The following CNOT2 variants were observed in gnomAD, a reference collection of about 807,000 sequenced individuals.
CNOT2 encodes CC chemokine receptor 4-negative regulator of transcription 2.
In CNOT2, 7 loss-of-function variants were observed where a neutral mutation model predicts 72.1. The ratio of observed to expected loss-of-function variants is 0.10; its 90% CI spans 0.06 to 0.18. CNOT2 has a LOEUF of 0.18. Among genes scored for constraint, CNOT2 ranks in the 10% least tolerant of loss-of-function variants. CNOT2 has a pLI of 1.00. For synonymous variants in CNOT2, 196 were observed against 225.6 expected, an observed-to-expected ratio of 0.87 and a Z score of 1.17; for missense variants, 345 against 660.3, an observed-to-expected ratio of 0.52 and a Z score of 5.23.
chr12:70,273,101 G>C (rs1868302983), intron 1 of CNOT2, among the ~76,000 whole-genome samples: 1 of 151,884 alleles, frequency 6.6e-6, no homozygotes, highest in Non-Finnish European at 1.5e-5. Context: ...TTTAAAAAAA[G>C]CCTTCTGTCA....
intron 2 of CNOT2, among the ~76,000 whole-genome samples, chr12:70,293,906 G>T (rs1593148916): frequency 7.1e-6 from 1 of 140,052 alleles, no homozygotes; most frequent in African/African-American, 2.6e-5. Flanking sequence ...AGTTTGTGGT[G>T]AGCACTGCTT....
chr12:70,259,313 T>C (rs1284285158), intron 1 of CNOT2, among the ~76,000 whole-genome samples: 1 of 136,950 alleles, frequency 7.3e-6, no homozygotes, highest in African/African-American at 2.9e-5. Context: ...CATGCAGGGC[T>C]TATTTTTTTT....
intron 2 of CNOT2, among the ~76,000 whole-genome samples, chr12:70,288,326 T>TACAAAATAC (rs1871276839): frequency 6.6e-6 from 1 of 151,906 alleles, no homozygotes; most frequent in African/African-American, 2.4e-5. Context: ...TTTGTATTTT[T>TACAAAATAC]AGTATGGATG....
chr12:70,329,841 C>G lies in CNOT2; in HGVS notation c.386+271C>G, dbSNP rs2272179. ...AGCTTTTTCAAAAGGCACCTGTCTT[C>G]CTCAAAGGAATATGTGCAATTTAAA... On this transcript the variant is annotated intron_variant, in intron 5 of 15. Coordinates refer to ENST00000229195, the MANE Select transcript of CNOT2 (RefSeq NM_014515.7). Among the ~76,000 whole-genome samples the G allele has an allele frequency of 6.6e-5, 10 of 152,088 alleles. No individual in the cohort carries two copies. In the East Asian group the frequency reaches 1.9e-3, roughly 30 times the overall value.
intron 2 of CNOT2, chr12:70,307,609 C>T (rs1875657786): frequency 6.6e-6 from 1 of 151,616 alleles, no homozygotes; most frequent in Admixed American, 6.6e-5. Context: ...ACGTTGTAAC[C>T]AGTAATTTCA....
intron 1 of CNOT2, chr12:70,244,367 A>G (rs1225655547): frequency 6.6e-6 from 1 of 152,218 alleles, no homozygotes; most frequent in Non-Finnish European, 1.5e-5. Flanking sequence ...AGTAGGGTTA[A>G]AAGAGGCCTT....
At chr12:70,351,864 G>A (rs1287092175) in intron 15 of CNOT2, among the ~76,000 whole-genome samples, 2 of 152,170 alleles carry the variant, frequency 1.3e-5, no homozygotes, top group Non-Finnish European at 2.9e-5. Flanking sequence ...GTGCTACACA[G>A]TGTATTAGGG....
intron 2 of CNOT2, among the ~76,000 whole-genome samples, chr12:70,288,136 C>CTTTTT (rs68143994): frequency 2.2e-4 from 19 of 86,700 alleles, no homozygotes; most frequent in East Asian, 4.3e-4. Context: ...TGGTGTAGCT[C>CTTTTT]TTTTTTTTTT....
intron 1 of CNOT2, among the ~76,000 whole-genome samples, chr12:70,245,452 A>T (rs12813767): frequency 0.12 from 17,968 of 152,206 alleles, 1,425 homozygotes; most frequent in Non-Finnish European, 0.18. Context: ...TTAGTGCTTT[A>T]TCAATACAAA....
chr12:70,272,927 T>G (rs924830201), intron 1 of CNOT2, among the ~76,000 whole-genome samples: 1 of 152,210 alleles, frequency 6.6e-6, no homozygotes, highest in African/African-American at 2.4e-5. Flanking sequence ...TGTTCCTGTT[T>G]ACTATCTTTG....
intron 1 of CNOT2, among the ~76,000 whole-genome samples, chr12:70,258,657 CAGAT>C (rs1157082395): frequency 6.6e-6 from 1 of 152,144 alleles, no homozygotes; most frequent in African/African-American, 2.4e-5. Flanking sequence ...TATAATCTGA[CAGAT>C]GGTGGTAAGG....
intron 2 of CNOT2, chr12:70,297,734 A>ATT: frequency 2.8e-6 from 1 of 358,756 alleles, no homozygotes. Flanking sequence ...TTGGATAATA[A>ATT]TTTTTTTTTG....
intron 2 of CNOT2, among the ~76,000 whole-genome samples, chr12:70,303,437 G>T (rs140092379): frequency 6.6e-6 from 1 of 152,092 alleles, no homozygotes; most frequent in East Asian, 1.9e-4. Flanking sequence ...CTCAGCATTT[G>T]CTTGTCTGTA....
chr12:70,335,785 C>T, intron 8 of CNOT2: 2 of 351,748 alleles, frequency 5.7e-6, no homozygotes, highest in Non-Finnish European at 1.0e-5. Flanking sequence ...TGTACAAAAA[C>T]CCAAGAGGAA....
chr12:70,301,681 C>A (rs562604856), intron 2 of CNOT2: 2 of 152,154 alleles, frequency 1.3e-5, no homozygotes, highest in East Asian at 3.9e-4. Flanking sequence ...GTCTAAAATT[C>A]TTTTTTTGTT....
intron 2 of CNOT2, 55 bp from the exon 3 acceptor site, chr12:70,310,840 A>C: frequency 6.5e-7 from 1 of 1,527,116 alleles, no homozygotes; most frequent in Non-Finnish European, 9.0e-7. Context: ...GGAGTAAGGT[A>C]ACACTGAACA....
At chr12:70,252,333 C>T (rs1958179631) in intron 1 of CNOT2, among the ~76,000 whole-genome samples, 1 of 152,056 alleles carries the variant, frequency 6.6e-6, no homozygotes, top group Admixed American at 6.6e-5. Flanking sequence ...ACTACAGGCG[C>T]ATGCCACCAT....
At chr12:70,267,292 CCTTCCTTCTAGT>C (rs2135761068) in intron 1 of CNOT2, among the ~76,000 whole-genome samples, 1 of 152,172 alleles carries the variant, frequency 6.6e-6, no homozygotes, top group East Asian at 1.9e-4. Flanking sequence ...AGAGAAGAAA[CCTTCCTTCTAGT>C]TTTGGTGGTT....
At chr12:70,301,959 T>C (rs1874078642) in intron 2 of CNOT2, 1 of 152,250 alleles carries the variant, frequency 6.6e-6, no homozygotes, top group African/African-American at 2.4e-5. Context: ...AGGGTGTATG[T>C]GTCAAGGAAT....
Sources: allele counts gnomAD v4.1 joint callset (sites outside exome capture counted in the v4.1 genomes callset), GRCh38; gene constraint gnomAD v4.1.1; transcripts MANE v1.5; gene names NCBI Gene and HGNC (gene_info 2026-07-23, HGNC 2026-07-21).